The following PAG1 variants were observed in gnomAD, a reference collection of about 807,000 sequenced individuals.
The protein encoded by PAG1 is phosphoprotein associated with glycosphingolipid-enriched microdomains 1.
PAG1 carries 23 observed loss-of-function variants against 31.7 expected under a neutral mutation model. That is an observed-to-expected ratio of 0.73 (90% confidence interval 0.52 to 1.03). The LOEUF (loss-of-function observed/expected upper bound fraction) is 1.03. Among genes scored for constraint, PAG1 ranks in the 50% least tolerant of loss-of-function variants. PAG1 has a pLI of 0.00. For missense variants in PAG1, 473 were observed against 540.7 expected (o/e 0.87, Z 1.24); for synonymous variants, 214 against 210.3 (o/e 1.02, Z -0.15).
intron 2 of PAG1, among the ~76,000 whole-genome samples, chr8:81,066,328 C>A (rs568488345): frequency 2.0e-5 from 3 of 152,324 alleles, no homozygotes; most frequent in African/African-American, 7.2e-5. Context: ...ATCGCAAATG[C>A]ACTTTTTCAG....
chr8:80,992,365 C>T (rs1037718226), intron 4 of PAG1, among the ~76,000 whole-genome samples: 2 of 152,182 alleles, frequency 1.3e-5, no homozygotes, highest in African/African-American at 2.4e-5. Context: ...GAGTTGCTTC[C>T]ATGGTGGAGG....
At position 80,971,560 on chromosome 8, in the gene PAG1, T is replaced by G. The variant is rs1223923109; in HGVS notation, c.*4984A>C. 4 of 152,112 alleles carry G rather than the reference T, an allele frequency of 2.6e-5. No homozygotes were observed. Among genetic ancestry groups the G allele is most frequent in the Non-Finnish European group, 5.9e-5 (4 of 68,026 alleles). 9.4% of individuals were successfully genotyped at this position (152,112 alleles called of 1,614,324 possible). A position where few individuals can be genotyped will look rare whatever the true frequency, so the allele number is the denominator to read the frequency against. ...CTTTGTAATACATGATTACGCAAGG[T>G]GATATGAGACAACCCAAGGGTAGCA... On this transcript the variant is annotated 3_prime_UTR_variant, in exon 9 of 9. Coordinates refer to ENST00000220597, the MANE Select transcript of PAG1 (RefSeq NM_018440.4).
chr8:80,971,668 CT>C lies in PAG1; in HGVS notation c.*4875del, dbSNP rs1468760431. 3 of 152,046 alleles carry C rather than the reference CT, an allele frequency of 2.0e-5. No individual in the cohort carries two copies. The highest frequency in any genetic ancestry group is 7.2e-5 in the African/African-American group (3 of 41,410). 9.4% of individuals were successfully genotyped at this position (152,046 alleles called of 1,614,324 possible). Reference sequence around the variant, plus strand: ...ACAGAAATGATTACTGAATTGAACGCTTTTTAAAAAATGTCTTTTAAGCAAA... The same window carrying C: ...ACAGAAATGATTACTGAATTGAACGCTTTTAAAAAATGTCTTTTAAGCAAA... On this transcript the variant is annotated 3_prime_UTR_variant, in exon 9 of 9. Transcript: ENST00000220597.
At chr8:81,052,263 T>C (rs969113918) in intron 2 of PAG1, among the ~76,000 whole-genome samples, 1 of 152,214 alleles carries the variant, frequency 6.6e-6, no homozygotes. Flanking sequence ...AAGTGATTTT[T>C]ATGTGATACT....
rs77846131 is a variant in PAG1 at position 81,035,341 on chromosome 8, T to C, written c.-174-5252A>G. Among the ~76,000 whole-genome samples the C allele has an allele frequency of 9.9e-3, 1,500 of 152,246 alleles. 33 individuals are homozygous for C. Among genetic ancestry groups the C allele is most frequent in the African/African-American group, 0.034 (1,423 of 41,526 alleles). Reference sequence around the variant, plus strand: ...TTGGAAGGCCAAGGAGTAAGGATTATGGGAGCCTGAGAATCATCTTAGGAT... The same window carrying C: ...TTGGAAGGCCAAGGAGTAAGGATTACGGGAGCCTGAGAATCATCTTAGGAT... On this transcript the variant is annotated intron_variant, in intron 2 of 8. Transcript: ENST00000220597.
chr8:80,995,450 C>T (rs1396559646), intron 3 of PAG1, among the ~76,000 whole-genome samples: 1 of 152,184 alleles, frequency 6.6e-6, no homozygotes, highest in Non-Finnish European at 1.5e-5. Context: ...TTTGTTGATG[C>T]AAAGAATAAT....
At chr8:81,043,658 A>AG (rs1563640619) in intron 2 of PAG1, among the ~76,000 whole-genome samples, 1 of 152,232 alleles carries the variant, frequency 6.6e-6, no homozygotes, top group African/African-American at 2.4e-5. Context: ...CATTACAATG[A>AG]TTAGTCCTGC....
intron 1 of PAG1, among the ~76,000 whole-genome samples, chr8:81,072,532 AATG>A (rs763208607): frequency 5.3e-5 from 8 of 152,326 alleles, no homozygotes; most frequent in Admixed American, 1.3e-4. Flanking sequence ...GTCTAAAATG[AATG>A]ATGACTTATT....
chr8:81,044,359 G>A (rs546663042), intron 2 of PAG1, among the ~76,000 whole-genome samples: 134 of 152,306 alleles, frequency 8.8e-4, no homozygotes, highest in African/African-American at 3.0e-3. Context: ...AGAAACAGAT[G>A]TGCCTAGAGG....
At position 80,976,748 on chromosome 8, in the gene PAG1, G is replaced by T. The variant is rs776833259; in HGVS notation, c.1095C>A (p.Phe365Leu). 1.2e-6 allele frequency: 2 copies of T among 1,614,068 alleles called. No homozygotes were observed. Among genetic ancestry groups the T allele is most frequent in the Non-Finnish European group, 1.7e-6 (2 of 1,179,962 alleles). Residue 365 changes from phenylalanine to leucine, a missense_variant, in exon 9 of 9, where the codon TTC (phenylalanine) becomes TTA (leucine). Phe to Leu is a conservative substitution (Grantham distance 22). Transcript: ENST00000220597. ...CNDLYATVKD[F>L]EKTPNSTLPP... is the part of the protein sequence containing the mutation. ...GAAGTGTGCTGTTTGGAGTTTTTTC[G>T]AAGTCTTTAACAGTAGCATAGAGAT...
chr8:81,040,646 C>G (rs140676414), intron 2 of PAG1: 1 of 151,914 alleles, frequency 6.6e-6, no homozygotes, highest in African/African-American at 2.4e-5. Context: ...TTTTTTAAGG[C>G]TCTTCCATTT....
rs1169289236 is a variant in PAG1 at position 80,971,314 on chromosome 8, T to A, written c.*5230A>T. On this transcript the variant is annotated 3_prime_UTR_variant, in exon 9 of 9. Transcript: ENST00000220597. ...CTGATTGGGCCCATGTAATAGACAA[T>A]ATGTCACTTTTGGTGTAACTATTTT... The A allele has an allele frequency of 6.6e-6, 1 of 152,214 alleles. No homozygotes were observed. Among genetic ancestry groups the A allele is most frequent in the Non-Finnish European group, 1.5e-5 (1 of 68,026 alleles). 9.4% of individuals were successfully genotyped at this position (152,214 alleles called of 1,614,324 possible). A position where few individuals can be genotyped will look rare whatever the true frequency, so the allele number is the denominator to read the frequency against.
At chr8:81,082,461 T>A (rs1404427517) in intron 1 of PAG1, among the ~76,000 whole-genome samples, 1 of 152,110 alleles carries the variant, frequency 6.6e-6, no homozygotes, top group Non-Finnish European at 1.5e-5. Flanking sequence ...AGTCTTCTGT[T>A]AAATGTGGCA....
intron 3 of PAG1, among the ~76,000 whole-genome samples, chr8:81,029,362 T>TCA (rs1237350384): frequency 4.7e-5 from 7 of 150,110 alleles, no homozygotes; most frequent in South Asian, 4.2e-4. Context: ...TCTCTCTCTC[T>TCA]CTCACACACA....
chr8:81,092,878 A>G (rs542139348), intron 1 of PAG1, among the ~76,000 whole-genome samples: 1 of 152,352 alleles, frequency 6.6e-6, no homozygotes, highest in South Asian at 2.1e-4. Flanking sequence ...TGACAGAGAA[A>G]GCACAAAACA....
chr8:80,991,441 C>A (rs368519997), intron 5 of PAG1, 38 bp downstream of exon 5: 3 of 1,536,808 alleles, frequency 2.0e-6, no homozygotes, highest in Middle Eastern at 1.7e-4. Context: ...TTCTGGAGCA[C>A]GCACGGACAG....
intron 3 of PAG1, among the ~76,000 whole-genome samples, chr8:81,004,889 T>C (rs1807848218): frequency 6.6e-6 from 1 of 152,170 alleles, no homozygotes; most frequent in Non-Finnish European, 1.5e-5. Context: ...CGCATGCACT[T>C]GACCACAGCC....
intron 1 of PAG1, among the ~76,000 whole-genome samples, chr8:81,094,913 C>A (rs1809501733): frequency 6.6e-6 from 1 of 152,196 alleles, no homozygotes; most frequent in African/African-American, 2.4e-5. Context: ...GACCTTGAGC[C>A]AGATGCTTAA....
chr8:81,000,531 T>C (rs1807766503), intron 3 of PAG1, among the ~76,000 whole-genome samples: 1 of 152,134 alleles, frequency 6.6e-6, no homozygotes. Flanking sequence ...TTGTAAGGAC[T>C]CCTGGGTTTA....
Sources: allele counts gnomAD v4.1 joint callset (sites outside exome capture counted in the v4.1 genomes callset), GRCh38; gene constraint gnomAD v4.1.1; transcripts MANE v1.5; gene names NCBI Gene and HGNC (gene_info 2026-07-23, HGNC 2026-07-21).